Variants in SLC25A30 observed in about 807,000 individuals in gnomAD.
The protein encoded by SLC25A30 is kidney mitochondrial carrier protein 1.
Under a neutral mutation model 42.7 loss-of-function variants are expected in SLC25A30, and 29 were observed. The observed-to-expected ratio is 0.68, with a 90% CI of 0.51 to 0.93. SLC25A30 has a LOEUF of 0.93. Ranked by LOEUF, SLC25A30 falls within the 40% of genes least tolerant of loss-of-function variation. SLC25A30 has a pLI of 0.00. For synonymous variants in SLC25A30, 124 were observed against 131.0 expected (o/e 0.95, Z 0.37); for missense variants, 300 against 359.7 (o/e 0.83, Z 1.34).
Position 45,401,157 on chromosome 13 carries a change from C to G in SLC25A30, c.540G>C (p.Leu180=), listed in dbSNP as rs1208415208. The G allele has an allele frequency of 6.2e-7, 1 of 1,613,898 alleles. No individual in the cohort carries two copies. The highest frequency in any genetic ancestry group is 1.3e-5 in the African/African-American group (1 of 74,914). Reference sequence around the variant, plus strand: ...GCTTCTTGGTGATGTCATAGACCGGCAGCTCCACACCAACAACAATAGCAG... The same window carrying G: ...GCTTCTTGGTGATGTCATAGACCGGGAGCTCCACACCAACAACAATAGCAG... ...QRAAIVVGVE[L]PVYDITKKHL... is the part of the protein sequence containing the mutation. The change falls in exon 7 of 10, where the codon CTG becomes CTC. Residue 180 remains leucine (L), a synonymous_variant. Coordinates refer to ENST00000519676, the MANE Select transcript of SLC25A30 (RefSeq NM_001010875.4).
chr13:45,406,931 C>T (rs527566120), intron 3 of SLC25A30, among the ~76,000 whole-genome samples: 1 of 152,234 alleles, frequency 6.6e-6, no homozygotes, highest in East Asian at 1.9e-4. Context: ...GTACATGTTC[C>T]CTGTGTGAGC....
upstream of SLC25A30, among the ~76,000 whole-genome samples, chr13:45,423,360 G>C (rs923614847): frequency 6.6e-6 from 1 of 150,958 alleles, no homozygotes; most frequent in African/African-American, 2.4e-5. Context: ...GCTGTACTTA[G>C]AAATCTGGTT....
At chr13:45,429,656 C>A in the SLC25A30 span, among the ~76,000 whole-genome samples, 2 of 151,490 alleles carry the variant, frequency 1.3e-5, no homozygotes, top group Admixed American at 6.6e-5. Flanking sequence ...CATGGAGAGA[C>A]CCTGTCTCTA....
chr13:45,412,211 C>T (rs886674105), intron 1 of SLC25A30, among the ~76,000 whole-genome samples: 2 of 152,178 alleles, frequency 1.3e-5, no homozygotes, highest in African/African-American at 4.8e-5. Flanking sequence ...CCTCAACCTC[C>T]TGGGCTCATG....
the SLC25A30 span, among the ~76,000 whole-genome samples, chr13:45,426,277 G>T: frequency 6.6e-6 from 1 of 151,756 alleles, no homozygotes; most frequent in Non-Finnish European, 1.5e-5. Flanking sequence ...AGTAGAGACG[G>T]GGTTTCACCA....
At position 45,405,894 on chromosome 13, in the gene SLC25A30, T is replaced by G; in HGVS notation, c.296A>C (p.Glu99Ala). ...TYQSLKRLFI[E>A]RPEDETLPIN... Reference sequence around the variant, plus strand: ...GATTCCCCACTCACCTTCTGGGCGTTCAATGAATAGTCGCTTCAAGCTCTG... The same window carrying G: ...GATTCCCCACTCACCTTCTGGGCGTGCAATGAATAGTCGCTTCAAGCTCTG... Residue 99 changes from glutamate to alanine, a missense_variant, in exon 4 of 10, where the codon GAA (glutamate) becomes GCA (alanine). By Grantham distance (107) the Glu-to-Ala change is moderately radical (BLOSUM62 -1). Coordinates refer to ENST00000519676, the MANE Select transcript of SLC25A30 (RefSeq NM_001010875.4). 4 of 1,614,146 alleles carry G rather than the reference T, an allele frequency of 2.5e-6. No individual in the cohort carries two copies. The South Asian group carries it at 4.4e-5, about 18-fold the overall frequency.
At chr13:45,396,158 C>T in intron 9 of SLC25A30, 143 bp from the exon 10 acceptor site, 1 of 1,538,314 alleles carries the variant, frequency 6.5e-7, no homozygotes, top group Non-Finnish European at 8.7e-7. Flanking sequence ...AAAGGGGTTC[C>T]ACCCTTAACC....
chr13:45,397,517 C>T (rs995601937), intron 8 of SLC25A30, 179 bp from the exon 9 acceptor site: 4 of 472,900 alleles, frequency 8.5e-6, no homozygotes. Flanking sequence ...GCAGTGAAAC[C>T]CTGTCTCTAC....
chr13:45,425,517 C>CAT, the SLC25A30 span, among the ~76,000 whole-genome samples: 1 of 83,868 alleles, frequency 1.2e-5, no homozygotes, highest in East Asian at 2.6e-4. Context: ...TATATATAAG[C>CAT]ATATATATAA....
chr13:45,414,635 T>TACACACACACACACACACACAC (rs145462442), intron 1 of SLC25A30, among the ~76,000 whole-genome samples: 6 of 140,004 alleles, frequency 4.3e-5, no homozygotes, highest in South Asian at 4.7e-4. Context: ...CACACACACA[T>TACACACACACACACACACACAC]ACACACACAC....
chr13:45,400,713 T>A (rs746970416), intron 7 of SLC25A30, among the ~76,000 whole-genome samples: 5 of 152,076 alleles, frequency 3.3e-5, no homozygotes, highest in Non-Finnish European at 7.4e-5. Flanking sequence ...CCCAAGCTGG[T>A]CTTGAATTCC....
At chr13:45,400,065 CAT>C (rs1566202658) in intron 7 of SLC25A30, among the ~76,000 whole-genome samples, 27 of 146,150 alleles carry the variant, frequency 1.8e-4, no homozygotes, top group East Asian at 3.9e-4. Flanking sequence ...CACACACACA[CAT>C]ATGAATGATA....
chr13:45,424,025 A>ATG, the SLC25A30 span, among the ~76,000 whole-genome samples: 987 of 44,862 alleles, frequency 0.022, 39 homozygotes, highest in Admixed American at 0.029. Context: ...ATCTGTAAAA[A>ATG]TATATATTTA....
chr13:45,397,320 AC>A lies in SLC25A30; in HGVS notation c.771del (p.Phe259LeufsTer12), dbSNP rs780853937. 6.2e-7 allele frequency: 1 copy of A among 1,611,382 alleles called. No homozygotes were observed. Among genetic ancestry groups the A allele is most frequent in the Admixed American group, 1.7e-5 (1 of 59,890 alleles). On this transcript the variant is annotated frameshift_variant, in exon 9 of 10. Transcript: ENST00000519676. LOFTEE classifies it high-confidence loss of function. ...CAAAAGCCTTTATAGAGAGCAAAAA[AC>A]CCTTCATTCTTCCATGTCTGTTAAA... ...DCLLQTWKNE[G>X]FFALYKGFWP...
chr13:45,403,345 T>C (rs749844861), intron 5 of SLC25A30, among the ~76,000 whole-genome samples: 1 of 152,192 alleles, frequency 6.6e-6, no homozygotes, highest in Non-Finnish European at 1.5e-5. Context: ...GCAGGGTCCT[T>C]GTCTTACTCA....
At chr13:45,424,543 A>AG in the SLC25A30 span, among the ~76,000 whole-genome samples, 21 of 45,482 alleles carry the variant, frequency 4.6e-4, no homozygotes, top group South Asian at 6.0e-4. Flanking sequence ...ATAAATATAT[A>AG]AATATATAAA....
In SLC25A30 at chr13:45,394,060, T is replaced by C. The variant is rs1001629692; in HGVS notation, c.*1914A>G. 2 of 985,192 alleles carry C rather than the reference T, an allele frequency of 2.0e-6. No individual in the cohort carries two copies. The highest frequency in any genetic ancestry group is 3.5e-5 in the African/African-American group (2 of 57,208). 61.0% of individuals were successfully genotyped at this position (985,192 alleles called of 1,614,324 possible). On this transcript the variant is annotated 3_prime_UTR_variant, in exon 10 of 10. Transcript: ENST00000519676. ...GAACTCAAAAGTGAAAGCCTCTCTA[T>C]AGAAAGTCTTTATAAAATCAATGGA...
the SLC25A30 span, among the ~76,000 whole-genome samples, chr13:45,424,707 A>G: frequency 3.2e-5 from 2 of 62,338 alleles, no homozygotes; most frequent in East Asian, 3.8e-4. Context: ...AGATATATAA[A>G]TACATATATA....
upstream of SLC25A30, among the ~76,000 whole-genome samples, chr13:45,423,301 C>A (rs79537456): frequency 0.015 from 2,284 of 151,708 alleles, 54 homozygotes; most frequent in African/African-American, 0.051. Flanking sequence ...TTCCACTAGA[C>A]ACAATAGTAA....
Sources: gnomAD v4.1 joint callset for allele counts (sites outside exome capture counted in the v4.1 genomes callset) on GRCh38, gnomAD v4.1.1 for gene constraint, MANE v1.5 for transcripts, NCBI Gene and HGNC (gene_info 2026-07-23, HGNC 2026-07-21) for gene names.